SPAST: variants seen among roughly 807,000 people sequenced by gnomAD.
SPAST encodes spastic paraplegia 4 (autosomal dominant; spastin).
In SPAST, 30 loss-of-function variants were observed where a neutral mutation model predicts 76.6. The ratio of observed to expected loss-of-function variants is 0.39; its 90% confidence interval spans 0.29 to 0.53. SPAST has a LOEUF of 0.53. Ranked by LOEUF, SPAST falls within the 20% of genes least tolerant of loss-of-function variation. SPAST has a pLI of 0.68. For synonymous variants in SPAST, 305 were observed against 281.0 expected, an observed-to-expected ratio of 1.09 and a Z score of -0.86; for missense variants, 717 against 770.5, an observed-to-expected ratio of 0.93 and a Z score of 0.82.
Position 32,154,525 on chromosome 2 carries a change from T to C in SPAST, c.*29T>C. 6.2e-7 allele frequency: 1 copy of C among 1,610,664 alleles called. No individual in the cohort carries two copies. The highest frequency in any genetic ancestry group is 8.5e-7 in the Non-Finnish European group (1 of 1,177,140). ...AATACCTTTGTAAACCTGCAGAACA[T>C]TTTACTTAAAAGAGGAAACACAAGA... On this transcript the variant is annotated 3_prime_UTR_variant, in exon 17 of 17. Coordinates refer to ENST00000315285, the MANE Select transcript of SPAST (RefSeq NM_014946.4).
intron 16 of SPAST, among the ~76,000 whole-genome samples, chr2:32,152,520 G>A (rs967547219): frequency 6.6e-6 from 1 of 152,100 alleles, no homozygotes; most frequent in Non-Finnish European, 1.5e-5. Flanking sequence ...TCATGCCACT[G>A]CACTCCAGCC....
At chr2:32,077,984 T>TAC (rs1677034169) in intron 1 of SPAST, 1 of 151,910 alleles carries the variant, frequency 6.6e-6, no homozygotes, top group East Asian at 1.9e-4. Flanking sequence ...TTTGTTTGTT[T>TAC]TGTTTTGTTT....
At chr2:32,071,242 G>T (rs1396923615) in intron 1 of SPAST, among the ~76,000 whole-genome samples, 2 of 152,156 alleles carry the variant, frequency 1.3e-5, no homozygotes, top group African/African-American at 4.8e-5. Flanking sequence ...ATGAATGAGA[G>T]ATCAAGTTTC....
intron 12 of SPAST, among the ~76,000 whole-genome samples, chr2:32,138,351 A>AT (rs754948635): frequency 8.6e-5 from 13 of 151,654 alleles, no homozygotes; most frequent in South Asian, 2.1e-4. Flanking sequence ...ACAATATGGG[A>AT]TTTTTTTTGC....
intron 16 of SPAST, among the ~76,000 whole-genome samples, chr2:32,149,164 A>AGGTTCAAGCGAAC (rs1679992522): frequency 6.6e-6 from 1 of 151,502 alleles, no homozygotes; most frequent in Admixed American, 6.6e-5. Context: ...ATCTTGGCTC[A>AGGTTCAAGCGAAC]CTGCAGCCTC....
chr2:32,084,166 TTTTG>T (rs981616580), intron 1 of SPAST, among the ~76,000 whole-genome samples: 13 of 151,808 alleles, frequency 8.6e-5, no homozygotes, highest in Admixed American at 3.3e-4. Context: ...TTCATTTCTT[TTTTG>T]TTTGTTTGTT....
At chr2:32,114,596 T>C (rs1678751068) in intron 4 of SPAST, 42 bp from the exon 5 acceptor site, 1 of 1,509,512 alleles carries the variant, frequency 6.6e-7, no homozygotes, top group Admixed American at 1.7e-5. Flanking sequence ...TATGTTCAGC[T>C]ACAATTTTCT....
At chr2:32,099,385 G>A (rs901767851) in intron 4 of SPAST, among the ~76,000 whole-genome samples, 1 of 152,104 alleles carries the variant, frequency 6.6e-6, no homozygotes, top group African/African-American at 2.4e-5. Context: ...AGTATTATTT[G>A]CTATGGATTA....
chr2:32,087,608 A>G (rs775351879), intron 2 of SPAST, 30 bp downstream of exon 2: 8 of 1,056,692 alleles, frequency 7.6e-6, no homozygotes, highest in African/African-American at 4.7e-5. Flanking sequence ...TAGCCATCCC[A>G]AATTATGATA....
At chr2:32,113,422 C>T (rs953899023) in intron 4 of SPAST, among the ~76,000 whole-genome samples, 2 of 151,834 alleles carry the variant, frequency 1.3e-5, no homozygotes, top group Admixed American at 1.3e-4. Flanking sequence ...TTGGTGGGAA[C>T]AGACTTTCAT....
intron 1 of SPAST, among the ~76,000 whole-genome samples, chr2:32,071,223 G>T (rs1261210816): frequency 6.6e-6 from 1 of 152,160 alleles, no homozygotes; most frequent in East Asian, 1.9e-4. Context: ...AAAAGGCCTA[G>T]TATGTTATAT....
chr2:32,064,301 C>T (rs1309065910), intron 1 of SPAST, 55 bp downstream of exon 1: 2 of 822,528 alleles, frequency 2.4e-6, no homozygotes, highest in African/African-American at 1.7e-5. Context: ...GCGGTGGGGT[C>T]GCCGGGGGAG....
chr2:32,115,142 T>G (rs544432239), intron 5 of SPAST, among the ~76,000 whole-genome samples: 26 of 152,066 alleles, frequency 1.7e-4, no homozygotes, highest in African/African-American at 6.3e-4. Flanking sequence ...GAGACGGGGT[T>G]TCTCCATGTT....
At position 32,086,768 on chromosome 2, in the gene SPAST, GA is replaced by G. The variant is rs111545587; in HGVS notation, c.416-717del. On this transcript the variant is annotated intron_variant, in intron 1 of 16. Transcript: ENST00000315285. The stretch of plus-strand genomic sequence containing the variant: ...GCAAGACTCTGTCTCAAAAAAAAAA[GA>G]AAAAAAGTCTAAGAAGTTAATTTTC... 3.5e-4 allele frequency among the ~76,000 whole-genome samples: 53 copies of G among 150,984 alleles called. No individual in the cohort carries two copies. In the East Asian group the frequency reaches 8.6e-3, roughly 24 times the overall value.
At position 32,154,387 on chromosome 2, in the gene SPAST, G is replaced by A. The variant is rs749484350; in HGVS notation, c.1742G>A (p.Arg581Gln). ...TTAAAAATCTAGATGAGAAATATTC[G>A]ATTATCTGACTTCACTGAATCCTTG... ...NMSASEMRNI[R>Q]LSDFTESLKK... Residue 581 changes from arginine to glutamine, a missense_variant, in exon 17 of 17, where the codon CGA (arginine) becomes CAA (glutamine). Physicochemically the swap from Arg to Gln is conservative, Grantham distance 43. Coordinates refer to ENST00000315285, the MANE Select transcript of SPAST (RefSeq NM_014946.4). 23 of 1,611,206 alleles carry A rather than the reference G, an allele frequency of 1.4e-5. No individual in the cohort carries two copies. The Admixed American group carries it at 1.8e-4, about 13-fold the overall frequency.
At chr2:32,066,980 AAAAAAAAAAAAACC>A (rs200807393) in intron 1 of SPAST, among the ~76,000 whole-genome samples, 16,134 of 112,782 alleles carry the variant, frequency 0.14, 1,370 homozygotes, top group East Asian at 0.25. Context: ...CTCAAAAAAA[AAAAAAAAAAAAACC>A]AAAAAAAAAA....
At chr2:32,115,242 C>G (rs1372766564) in intron 5 of SPAST, among the ~76,000 whole-genome samples, 1 of 152,102 alleles carries the variant, frequency 6.6e-6, no homozygotes, top group Non-Finnish European at 1.5e-5. Context: ...GCCACCGTGC[C>G]CAAAGTTAAT....
At chr2:32,131,788 G>T (rs1032343835) in intron 9 of SPAST, among the ~76,000 whole-genome samples, 3 of 145,018 alleles carry the variant, frequency 2.1e-5, no homozygotes, top group African/African-American at 7.7e-5. Context: ...TTAGCCTGCT[G>T]AGTAGCTGGG....
chr2:32,070,053 C>T (rs1433822787), intron 1 of SPAST, among the ~76,000 whole-genome samples: 2 of 137,586 alleles, frequency 1.5e-5, no homozygotes, highest in African/African-American at 2.7e-5. Flanking sequence ...TTATGGCATA[C>T]TAAAAAAAAA....
Sources: allele counts gnomAD v4.1 joint callset (sites outside exome capture counted in the v4.1 genomes callset), GRCh38; gene constraint gnomAD v4.1.1; transcripts MANE v1.5; gene names NCBI Gene and HGNC (gene_info 2026-07-23, HGNC 2026-07-21).